The following TBC1D1 variants were observed in gnomAD, a reference collection of about 807,000 sequenced individuals.
TBC1D1 encodes the protein TBC1 (tre-2/USP6, BUB2, cdc16) domain family, member 1.
TBC1D1 carries 89 observed loss-of-function variants against 125.6 expected under a neutral mutation model. The ratio of observed to expected loss-of-function variants is 0.71; its 90% confidence interval spans 0.60 to 0.85. The LOEUF (loss-of-function observed/expected upper bound fraction) is 0.85, where lower values mean the gene tolerates loss of function less well. TBC1D1 is among the 40% of genes least tolerant of loss of function. TBC1D1 has a pLI of 0.00. For synonymous variants in TBC1D1, 565 were observed against 564.1 expected, an observed-to-expected ratio of 1.00 and a Z score of -0.02; for missense variants, 1,377 against 1,469.2, an observed-to-expected ratio of 0.94 and a Z score of 1.03.
chr4:38,097,400 C>T (rs898151715), intron 14 of TBC1D1, among the ~76,000 whole-genome samples: 12 of 149,680 alleles, frequency 8.0e-5, no homozygotes, highest in Non-Finnish European at 1.6e-4. Flanking sequence ...AATGCAGTGG[C>T]GTGATCTCAG....
At chr4:37,909,276 C>T (rs888282062) in intron 2 of TBC1D1, among the ~76,000 whole-genome samples, 1 of 152,162 alleles carries the variant, frequency 6.6e-6, no homozygotes, top group African/African-American at 2.4e-5. Context: ...TAGCAGGAGT[C>T]CATCCCCCGT....
At position 38,060,258 on chromosome 4, in the gene TBC1D1, G is replaced by A. The variant is rs560819089; in HGVS notation, c.2050+5920G>A. Among the ~76,000 whole-genome samples the A allele has an allele frequency of 2.1e-3, 323 of 152,296 alleles. 2 individuals carry two copies. Among genetic ancestry groups the A allele is most frequent in the African/African-American group, 7.5e-3 (310 of 41,558 alleles). On this transcript the variant is annotated intron_variant, in intron 12 of 19. Transcript: ENST00000261439. ...ATGTACCCAGGAATGGGATTGCTGG[G>A]TCAAATGGTATTTCTAGTTCTAGAT...
chr4:38,089,855 T>G, intron 12 of TBC1D1, 77 bp from the exon 15 acceptor site: 1 of 1,366,392 alleles, frequency 7.3e-7, no homozygotes, highest in Non-Finnish European at 9.9e-7. Flanking sequence ...GAACAGAATT[T>G]GCTGATTTGA....
intron 2 of TBC1D1, among the ~76,000 whole-genome samples, chr4:37,925,146 C>T (rs558283369): frequency 3.9e-5 from 6 of 152,168 alleles, no homozygotes; most frequent in Non-Finnish European, 7.3e-5. Context: ...GGCTCCATGC[C>T]GAGGCACACA....
At chr4:38,005,251 G>A (rs1001110864) in intron 2 of TBC1D1, among the ~76,000 whole-genome samples, 1 of 152,200 alleles carries the variant, frequency 6.6e-6, no homozygotes, top group Admixed American at 6.5e-5. Flanking sequence ...ATAGGGAAGG[G>A]AAGAATGCAA....
intron 12 of TBC1D1, among the ~76,000 whole-genome samples, chr4:38,084,599 G>T (rs140992529): frequency 1.3e-5 from 2 of 152,216 alleles, no homozygotes; most frequent in Non-Finnish European, 2.9e-5. Flanking sequence ...AACAACAGAC[G>T]CTGCAGATGT....
intron 2 of TBC1D1, among the ~76,000 whole-genome samples, chr4:37,961,283 A>AGGCCAG (rs367544947): frequency 5.0e-4 from 76 of 152,322 alleles, no homozygotes; most frequent in African/African-American, 1.7e-3. Flanking sequence ...AAAGGAGAAA[A>AGGCCAG]GGCCAGGGCC....
At chr4:38,003,383 CG>C (rs1739444774) in intron 2 of TBC1D1, among the ~76,000 whole-genome samples, 1 of 152,038 alleles carries the variant, frequency 6.6e-6, no homozygotes, top group African/African-American at 2.4e-5. Context: ...TTGAGATTGC[CG>C]GAAAGTTGAG....
At chr4:37,955,877 CTG>C (rs556526181) in intron 2 of TBC1D1, among the ~76,000 whole-genome samples, 1 of 152,148 alleles carries the variant, frequency 6.6e-6, no homozygotes, top group South Asian at 2.1e-4. Context: ...TGTCTCACGC[CTG>C]TAATTCCAGC....
chr4:38,092,693 C>T (rs1267418181), intron 13 of TBC1D1, among the ~76,000 whole-genome samples: 1 of 151,198 alleles, frequency 6.6e-6, no homozygotes, highest in Non-Finnish European at 1.5e-5. Flanking sequence ...CAAGATGGTG[C>T]CACTGCACTC....
At chr4:38,032,580 A>G (rs1243449478) in intron 7 of TBC1D1, among the ~76,000 whole-genome samples, 5 of 152,194 alleles carry the variant, frequency 3.3e-5, no homozygotes, top group African/African-American at 4.8e-5. Context: ...CACGCCTGTA[A>G]TCCCAGCACT....
rs762281114 is a variant in TBC1D1 at position 38,023,546 on chromosome 4, A to G, written c.1210+1828A>G. Among the ~76,000 whole-genome samples the G allele has an allele frequency of 4.6e-5, 7 of 152,318 alleles. No individual in the cohort carries two copies. The East Asian group carries it at 5.8e-4, about 13-fold the overall frequency. On this transcript the variant is annotated intron_variant, in intron 6 of 19. Coordinates refer to ENST00000261439, the MANE Select transcript of TBC1D1 (RefSeq NM_015173.4). The stretch of plus-strand genomic sequence containing the variant: ...CTGTTCTGTTTCTAGGTAACTTCAT[A>G]TAAGCAAAGTCATAAAATATTTATC...
chr4:38,137,300 C>A lies in TBC1D1; in HGVS notation c.3472C>A (p.Pro1158Thr). Residue 1158 changes from proline (P) to threonine (T), a missense_variant, in exon 20 of 20, where the codon CCT becomes ACT. Coordinates refer to ENST00000261439, the MANE Select transcript of TBC1D1 (RefSeq NM_015173.4). ...GAGCGCAGAGCCCAGCGACCGGGAG[C>A]CTGAGTGCACGCAGCCCGAGCCCAC... 1 of 1,611,464 alleles carries A rather than the reference C, an allele frequency of 6.2e-7. No individual in the cohort carries two copies. The highest frequency in any genetic ancestry group is 1.3e-5 in the African/African-American group (1 of 74,960).
chr4:38,118,382 A>T (rs1319897621), intron 17 of TBC1D1, 190 bp downstream of exon 19: 1 of 564,928 alleles, frequency 1.8e-6, no homozygotes, highest in East Asian at 3.0e-5. Flanking sequence ...TCTGATAATC[A>T]CGGGGCTTCC....
At chr4:38,133,359 C>T in intron 19 of TBC1D1, 102 bp downstream of exon 21, 1 of 993,502 alleles carries the variant, frequency 1.0e-6, no homozygotes, top group South Asian at 1.6e-5. Context: ...GACCAGAGGA[C>T]CTTTCCCACC....
At chr4:38,031,709 T>C (rs144688628) in intron 7 of TBC1D1, among the ~76,000 whole-genome samples, 49 of 152,306 alleles carry the variant, frequency 3.2e-4, no homozygotes, top group African/African-American at 1.1e-3. Flanking sequence ...CACATTTCAG[T>C]TGCGAACTCA....
In TBC1D1 at chr4:38,118,167, G is replaced by A. The variant is rs749278651; in HGVS notation, c.2937G>A (p.Pro979=). The A allele has an allele frequency of 3.0e-5, 48 of 1,614,032 alleles. No individual in the cohort carries two copies. Among genetic ancestry groups the A allele is most frequent in the Non-Finnish European group, 1.6e-5 (19 of 1,180,040 alleles). ...TCACCATGTTTGCCTCACAGTTCCC[G>A]CTGGGATTCGTAGCCAGAGTCTTTG... is the stretch of plus-strand genomic sequence containing the variant. Residue 979 remains proline, a synonymous_variant, in exon 17 of 20, where the codon CCG becomes CCA. Coordinates refer to ENST00000261439, the MANE Select transcript of TBC1D1 (RefSeq NM_015173.4).
rs548414047 is a variant in TBC1D1 at position 37,921,477 on chromosome 4, G to C, written c.417+18965G>C. Among the ~76,000 whole-genome samples the C allele has an allele frequency of 4.6e-5, 7 of 151,332 alleles. No individual in the cohort carries two copies. In the East Asian group the frequency reaches 1.4e-3, roughly 29 times the overall value. On this transcript the variant is annotated intron_variant, in intron 2 of 19. Transcript: ENST00000261439. ...GCTGGAGTGCAGTGGCGTGATCTCG[G>C]CTCACTGCAACCTCCACCTCCCAGG...
At chr4:37,937,816 A>G (rs1421194406) in intron 2 of TBC1D1, among the ~76,000 whole-genome samples, 1 of 152,186 alleles carries the variant, frequency 6.6e-6, no homozygotes, top group African/African-American at 2.4e-5. Context: ...GGTGGTTCCT[A>G]ACGCTCAGGA....
Sources: gnomAD v4.1 joint callset for allele counts (sites outside exome capture counted in the v4.1 genomes callset) on GRCh38, gnomAD v4.1.1 for gene constraint, MANE v1.5 for transcripts, NCBI Gene and HGNC (gene_info 2026-07-23, HGNC 2026-07-21) for gene names.